The following FAXC variants were observed in gnomAD, a reference collection of about 807,000 sequenced individuals.
FAXC encodes failed axon connections homolog.
In FAXC, 10 loss-of-function variants were observed where a neutral mutation model predicts 41.9. The observed-to-expected ratio is 0.24, with a 90% CI of 0.15 to 0.41. FAXC has a LOEUF of 0.41. FAXC is among the 10% of genes least tolerant of loss of function. The pLI is 1.00. For synonymous variants in FAXC, 183 were observed against 183.8 expected, an observed-to-expected ratio of 1.00 and a Z score of 0.03; for missense variants, 399 against 510.9, an observed-to-expected ratio of 0.78 and a Z score of 2.11.
At position 99,288,859 on chromosome 6, in the gene FAXC, T is replaced by TAC. The variant is rs55895848; in HGVS notation, c.940+2843_940+2844dup. 1.4e-3 allele frequency among the ~76,000 whole-genome samples: 206 copies of TAC among 145,808 alleles called. 1 individual carries two copies. The highest frequency in any genetic ancestry group is 0.014 in the South Asian group (63 of 4,512). ...ATGCACATGAATCGACACACACACA[T>TAC]ACACACACACACACACACACACACA... On this transcript the variant is annotated intron_variant, in intron 5 of 5. Transcript: ENST00000389677.
At chr6:99,323,334 G>T in intron 4 of FAXC, 110 bp downstream of exon 4, 2 of 929,098 alleles carry the variant, frequency 2.2e-6, no homozygotes, top group Non-Finnish European at 1.6e-6. Context: ...ACACATGGAA[G>T]CAAAGAAATC....
intron 4 of FAXC, among the ~76,000 whole-genome samples, chr6:99,318,954 T>G (rs969488657): frequency 1.3e-5 from 2 of 152,196 alleles, no homozygotes; most frequent in African/African-American, 4.8e-5. Context: ...TTCTTTGCTC[T>G]TTATTGACTC....
intron 1 of FAXC, 105 bp downstream of exon 1, chr6:99,349,002 T>C: frequency 1.8e-6 from 2 of 1,135,274 alleles, no homozygotes; most frequent in Non-Finnish European, 2.5e-6. Flanking sequence ...CTTGGGCATC[T>C]GGGCAGCTTG....
At chr6:99,287,327 T>C (rs1771064787) in intron 5 of FAXC, among the ~76,000 whole-genome samples, 1 of 152,194 alleles carries the variant, frequency 6.6e-6, no homozygotes, top group South Asian at 2.1e-4. Flanking sequence ...CATACCACAA[T>C]ATCAGCAATT....
chr6:99,282,092 A>G (rs1770862887), intron 5 of FAXC, among the ~76,000 whole-genome samples: 1 of 152,204 alleles, frequency 6.6e-6, no homozygotes. Flanking sequence ...TGATGATGAG[A>G]AGTGGCAAGG....
intron 4 of FAXC, 99 bp from the exon 5 acceptor site, chr6:99,291,919 T>C (rs1771261508): frequency 1.1e-6 from 1 of 888,032 alleles, no homozygotes; most frequent in African/African-American, 1.7e-5. Flanking sequence ...CCTTTACTGA[T>C]ACCAAAAAGC....
chr6:99,309,910 CAT>C, intron 4 of FAXC: 1 of 984,856 alleles, frequency 1.0e-6, no homozygotes, highest in Non-Finnish European at 1.2e-6. Flanking sequence ...TGGCATGTGA[CAT>C]TAACAAACCA....
intron 3 of FAXC, among the ~76,000 whole-genome samples, 153 bp from the exon 4 acceptor site, chr6:99,323,820 C>A (rs1772682545): frequency 6.6e-6 from 1 of 152,200 alleles, no homozygotes; most frequent in Non-Finnish European, 1.5e-5. Context: ...GCAGCTATCA[C>A]AACAGGCTCT....
rs1330046482 is a variant in FAXC, at chr6:99,343,086, G to A, written c.267-53C>T. On this transcript the variant is annotated intron_variant, in intron 1 of 5. Transcript: ENST00000389677. ...ACAATCCACATGTTATCCACATTCG[G>A]TTCCCTTATTTCTTGAGAGGACCCT... The A allele has an allele frequency of 2.6e-6, 4 of 1,525,484 alleles. No homozygotes were observed. The East Asian group carries it at 6.9e-5, about 26-fold the overall frequency. The allele number at this position is 1,525,484 out of a possible 1,614,324, so 94.5% of individuals were successfully genotyped here.
chr6:99,289,853 G>A (rs1771166207), intron 5 of FAXC, among the ~76,000 whole-genome samples: 1 of 151,928 alleles, frequency 6.6e-6, no homozygotes, highest in African/African-American at 2.4e-5. Context: ...TGGCAACACA[G>A]CACACTATAC....
At chr6:99,300,506 T>C (rs1771664573) in intron 4 of FAXC, among the ~76,000 whole-genome samples, 1 of 152,260 alleles carries the variant, frequency 6.6e-6, no homozygotes, top group Non-Finnish European at 1.5e-5. Flanking sequence ...ATGATCAGCC[T>C]TCCTGGTTCT....
chr6:99,333,406 G>T lies in FAXC; in HGVS notation c.544C>A (p.His182Asn). 1 of 1,614,092 alleles carries T rather than the reference G, an allele frequency of 6.2e-7. No individual in the cohort carries two copies. The highest frequency in any genetic ancestry group is 1.1e-5 in the South Asian group (1 of 91,060). The change falls in exon 3 of 6, where the codon CAT becomes AAT. Residue 182 changes from histidine to asparagine, a missense_variant. His to Asn is a moderately conservative substitution (Grantham distance 68). Around this residue, in one of 3 missense-constraint regions of FAXC, gnomAD observed 239 missense variants for 352.7 expected, o/e 0.68. Transcript: ENST00000389677. Reference protein sequence around the residue: ...GVNLNKNLGPHERAISRAVTK... With the variant: ...GVNLNKNLGPNERAISRAVTK... ...ACCGCTCTGGAGATGGCTCTTTCAT[G>T]AGGGCCAAGGTTTTTGTTTAAATTC...
chr6:99,282,443 A>G (rs1770875390), intron 5 of FAXC, among the ~76,000 whole-genome samples: 1 of 152,158 alleles, frequency 6.6e-6, no homozygotes, highest in East Asian at 1.9e-4. Flanking sequence ...TTAGTATAAG[A>G]TATTTTTAAA....
intron 4 of FAXC, among the ~76,000 whole-genome samples, chr6:99,295,894 G>C (rs993161978): frequency 3.3e-5 from 5 of 152,114 alleles, no homozygotes; most frequent in African/African-American, 1.2e-4. Flanking sequence ...ACTTTGGCCT[G>C]CTAATTTTAG....
Position 99,349,119 on chromosome 6 carries a change from A to C in FAXC, c.254T>G (p.Leu85Arg), listed in dbSNP as rs1205710071. The C allele has an allele frequency of 6.2e-7, 1 of 1,613,474 alleles. No homozygotes were observed. The highest frequency in any genetic ancestry group is 8.5e-7 in the Non-Finnish European group (1 of 1,179,936). ...LAAAAYLLHE[L>R]LVIRKQQEID... Reference sequence around the variant, plus strand: ...CTCTCCGGCTCACCTAATGACCAGGAGTTCGTGGAGCAGATACGCAGCTGC... The same window carrying C: ...CTCTCCGGCTCACCTAATGACCAGGCGTTCGTGGAGCAGATACGCAGCTGC... Residue 85 changes from leucine to arginine, a missense_variant, in exon 1 of 6, where the codon CTC becomes CGC. Physicochemically the swap from Leu to Arg is moderately radical, Grantham distance 102. Coordinates refer to ENST00000389677, the MANE Select transcript of FAXC (RefSeq NM_032511.4).
intron 2 of FAXC, among the ~76,000 whole-genome samples, chr6:99,336,882 C>T (rs947442824): frequency 2.0e-5 from 3 of 152,102 alleles, no homozygotes; most frequent in African/African-American, 7.2e-5. Context: ...GGCCAGAATA[C>T]CCATAGGTTT....
chr6:99,320,887 C>T (rs1772563768), intron 4 of FAXC, among the ~76,000 whole-genome samples: 1 of 152,238 alleles, frequency 6.6e-6, no homozygotes, highest in Admixed American at 6.5e-5. Context: ...GTACACGTCT[C>T]TGTCGTGGGA....
rs767065561 is a variant in FAXC at position 99,333,530 on chromosome 6, T to A, written c.420A>T (p.Lys140Asn). Residue 140 changes from lysine to asparagine, a missense_variant, in exon 3 of 6, where the codon AAA (lysine) becomes AAT (asparagine). Physicochemically the swap from Lys to Asn is moderately conservative, Grantham distance 94 (BLOSUM62 0). Coordinates refer to ENST00000389677, the MANE Select transcript of FAXC (RefSeq NM_032511.4). Reference sequence around the variant, plus strand: ...AAGGCATTTTCCCTTGAGCAGAGAGTTTTCCACCAAAATAGTTCTAAGCAG... The same window carrying A: ...AAGGCATTTTCCCTTGAGCAGAGAGATTTCCACCAAAATAGTTCTAAGCAG... ...DLPYQNYFGG[K>N]LSAQGKMPWI... 3 of 1,609,452 alleles carry A rather than the reference T, an allele frequency of 1.9e-6. No individual in the cohort carries two copies. The Admixed American group carries it at 5.1e-5, about 27-fold the overall frequency.
At position 99,273,333 on chromosome 6, in the gene FAXC, C is replaced by G. The variant is rs1441946347; in HGVS notation, c.*7831G>C. The G allele has an allele frequency of 6.6e-6, 1 of 151,480 alleles. No homozygotes were observed. The highest frequency in any genetic ancestry group is 2.4e-5 in the African/African-American group (1 of 41,184). The allele number at this position is 151,480 out of a possible 1,614,324, so 9.4% of individuals were successfully genotyped here. On this transcript the variant is annotated 3_prime_UTR_variant, in exon 6 of 6. Coordinates refer to ENST00000389677, the MANE Select transcript of FAXC (RefSeq NM_032511.4). Reference sequence around the variant, plus strand: ...ACATTTGAAGACACAAGATTATAAACAAATAGAAAAAAAGACATGTAATCA... The same window carrying G: ...ACATTTGAAGACACAAGATTATAAAGAAATAGAAAAAAAGACATGTAATCA...
Sources: allele counts gnomAD v4.1 joint callset (sites outside exome capture counted in the v4.1 genomes callset), GRCh38; gene constraint gnomAD v4.1.1; regional missense constraint gnomAD v4.1.1; transcripts MANE v1.5; gene names NCBI Gene and HGNC (gene_info 2026-07-23, HGNC 2026-07-21).